Variants in AP4M1 observed in about 807,000 individuals in gnomAD.
AP4M1 encodes the protein AP-4 complex subunit mu-1.
A neutral mutation model predicts 62.4 loss-of-function variants in AP4M1; 58 were observed. The ratio of observed to expected loss-of-function variants is 0.93; its 90% CI spans 0.75 to 1.16. The LOEUF (loss-of-function observed/expected upper bound fraction) is 1.16. AP4M1 is among the 50% of genes most tolerant of loss of function. The probability of loss-of-function intolerance (pLI) is 0.00; values close to 1 mark genes in which losing one functional copy is unlikely to be tolerated. For synonymous variants in AP4M1, 290 were observed against 239.7 expected, an observed-to-expected ratio of 1.21 and a Z score of -1.94; for missense variants, 626 against 585.4, an observed-to-expected ratio of 1.07 and a Z score of -0.72.
At chr7:100,106,028 A>C in intron 12 of AP4M1, 25 bp downstream of exon 12, 2 of 1,613,808 alleles carry the variant, frequency 1.2e-6, no homozygotes, top group South Asian at 2.2e-5. Flanking sequence ...GGCCTGGCTG[A>C]GTTCAGCTCT....
At chr7:100,100,946 C>G, upstream of AP4M1, 1 of 1,057,756 alleles carries the variant, frequency 9.5e-7, no homozygotes. Flanking sequence ...GCCCAGAGCC[C>G]TTAAGACTCT....
At chr7:100,103,164 T>C in intron 4 of AP4M1, 1 of 649,842 alleles carries the variant, frequency 1.5e-6, no homozygotes, top group East Asian at 2.8e-5. Flanking sequence ...CTGGAACTCC[T>C]GGGCTCAAGC....
At chr7:100,100,900 G>T, upstream of AP4M1, 1 of 1,060,090 alleles carries the variant, frequency 9.4e-7, no homozygotes, top group Non-Finnish European at 1.1e-6. Flanking sequence ...GGGAACCTGG[G>T]AATGCCCAAA....
chr7:100,107,116 A>G lies in AP4M1; in HGVS notation c.*234A>G, dbSNP rs138231006. 213 of 1,367,264 alleles carry G rather than the reference A, an allele frequency of 1.6e-4. No homozygotes were observed. Among genetic ancestry groups the G allele is most frequent in the African/African-American group, 1.5e-3 (104 of 68,788 alleles). 84.7% of individuals were successfully genotyped at this position (1,367,264 alleles called of 1,614,324 possible). A position where few individuals can be genotyped will look rare whatever the true frequency, so the allele number is the denominator to read the frequency against. On this transcript the variant is annotated 3_prime_UTR_variant, in exon 15 of 15. Coordinates refer to ENST00000359593, the MANE Select transcript of AP4M1 (RefSeq NM_004722.4). ...TTTATTCTGAGAAACTGGCTGTACA[A>G]TATCTAAAAAGAAAGTGACATGAAG...
chr7:100,106,101 C>T lies in AP4M1; in HGVS notation c.974+98C>T, dbSNP rs971875802. 3 of 1,559,756 alleles carry T rather than the reference C, an allele frequency of 1.9e-6. No individual in the cohort carries two copies. The African/African-American group carries it at 4.1e-5, about 21-fold the overall frequency. ...TCCCTTCAGATGCAGCTGCCAGCCT[C>T]AGAAGCCAGTTAAGGTAGAGGCTGT... On this transcript the variant is annotated intron_variant, in intron 12 of 14. Coordinates refer to ENST00000359593, the MANE Select transcript of AP4M1 (RefSeq NM_004722.4).
In AP4M1 at chr7:100,101,687, GTCT is replaced by G. The variant is rs1796045572; in HGVS notation, c.-23_-21del. ...GGGCGGGGCAGGCCCGACTTTCGCC[GTCT>G]TCTTGTCTACTCTCCAGAACGGCCA... On this transcript the variant is annotated 5_prime_UTR_variant, in exon 1 of 15. Coordinates refer to ENST00000359593, the MANE Select transcript of AP4M1 (RefSeq NM_004722.4). 2.5e-6 allele frequency: 4 copies of G among 1,608,208 alleles called. No individual in the cohort carries two copies. Among genetic ancestry groups the G allele is most frequent in the Non-Finnish European group, 3.4e-6 (4 of 1,175,058 alleles).
chr7:100,107,026 C>G lies in AP4M1; in HGVS notation c.*144C>G. Reference sequence around the variant, plus strand: ...CCCAAGACCAGGAGGGGGCAATGGGCCCAGCCTTTCTGTGGTATCTGATGC... The same window carrying G: ...CCCAAGACCAGGAGGGGGCAATGGGGCCAGCCTTTCTGTGGTATCTGATGC... On this transcript the variant is annotated 3_prime_UTR_variant, in exon 15 of 15. Coordinates refer to ENST00000359593, the MANE Select transcript of AP4M1 (RefSeq NM_004722.4). The G allele has an allele frequency of 1.3e-5, 16 of 1,226,394 alleles. No individual in the cohort carries two copies. The highest frequency in any genetic ancestry group is 1.8e-5 in the Non-Finnish European group (16 of 866,828). The allele number at this position is 1,226,394 out of a possible 1,614,324, so 76.0% of individuals were successfully genotyped here. A position where few individuals can be genotyped will look rare whatever the true frequency, so the allele number is the denominator to read the frequency against.
At position 100,107,672 on chromosome 7, in the gene AP4M1, C is replaced by A. The variant is rs1796681037; in HGVS notation, c.*790C>A. ...CGCTTGCCCTGTGCCCTCCCTGCCC[C>A]CCAGAGGCCTGGCGAGGACGCTTCA... On this transcript the variant is annotated 3_prime_UTR_variant, in exon 15 of 15. Transcript: ENST00000359593. The A allele has an allele frequency of 6.3e-7, 1 of 1,592,420 alleles. No homozygotes were observed. Among genetic ancestry groups the A allele is most frequent in the African/African-American group, 1.4e-5 (1 of 73,768 alleles).
upstream of AP4M1, chr7:100,101,101 C>T (rs1795996369): frequency 4.7e-6 from 4 of 851,784 alleles, no homozygotes; most frequent in Non-Finnish European, 7.2e-6. Context: ...GCACGCTTCC[C>T]AGGCCCCGTG....
Position 100,105,509 on chromosome 7 carries a change from C to G in AP4M1, c.899C>G (p.Pro300Arg), listed in dbSNP as rs907295366. ...TCACCGCTCCCCTTCCGGCTCTTCC[C>G]CTCTGTGCAGTGGGACCGAGGCTCA... ...LPSPLPFRLF[P>R]SVQWDRGSGR... The change falls in exon 11 of 15, where the codon CCC (proline) becomes CGC (arginine). Residue 300 changes from proline to arginine, a missense_variant. Transcript: ENST00000359593. The G allele has an allele frequency of 6.2e-7, 1 of 1,613,922 alleles. No individual in the cohort carries two copies. Among genetic ancestry groups the G allele is most frequent in the African/African-American group, 1.3e-5 (1 of 75,038 alleles).
In AP4M1 at chr7:100,107,387, C is replaced by T. The variant is rs761709540; in HGVS notation, c.*505C>T. The T allele has an allele frequency of 2.6e-5, 42 of 1,595,622 alleles. No homozygotes were observed. The highest frequency in any genetic ancestry group is 6.9e-5 in the Admixed American group (4 of 57,904). On this transcript the variant is annotated 3_prime_UTR_variant, in exon 15 of 15. Coordinates refer to ENST00000359593, the MANE Select transcript of AP4M1 (RefSeq NM_004722.4). ...CGCTGAGTGGGGACGGGGACGATGC[C>T]GGGGGAGGAACTGGAGAAGGATGGG...
Position 100,108,274 on chromosome 7 carries a change from A to G in AP4M1, c.*1392A>G, listed in dbSNP as rs1248742351. 8 of 1,484,264 alleles carry G rather than the reference A, an allele frequency of 5.4e-6. No individual in the cohort carries two copies. The highest frequency in any genetic ancestry group is 5.4e-6 in the Non-Finnish European group (6 of 1,115,464). The allele number at this position is 1,484,264 out of a possible 1,614,324, so 91.9% of individuals were successfully genotyped here. A position where few individuals can be genotyped will look rare whatever the true frequency, so the allele number is the denominator to read the frequency against. On this transcript the variant is annotated 3_prime_UTR_variant, in exon 15 of 15. Transcript: ENST00000359593. ...GGGCCTGGTTGCCCTGAGACTACTG[A>G]CTGAGGGCACATGTGGCTGTGTGCA...
rs41280965 is a variant in AP4M1, at chr7:100,102,755, C to T, written c.228C>T (p.Pro76=). The change falls in exon 3 of 15, where the codon CCC becomes CCT. Residue 76 remains proline (P), a synonymous_variant. Coordinates refer to ENST00000359593, the MANE Select transcript of AP4M1 (RefSeq NM_004722.4). ...TCACAACTTCAGAAAACGTTTCTCCCTTCAGCCTCCTAGAACTGCTCTCCA... is the reference window on the plus strand; with the variant it reads ...TCACAACTTCAGAAAACGTTTCTCCTTTCAGCCTCCTAGAACTGCTCTCCA... ...LVVTTSENVS[P]FSLLELLSRL... 11,387 of 1,614,124 alleles carry T rather than the reference C, an allele frequency of 7.1e-3. 71 individuals carry two copies. Among genetic ancestry groups the T allele is most frequent in the Middle Eastern group, 0.013 (76 of 6,062 alleles).
chr7:100,102,635 C>T (rs1335124616), intron 2 of AP4M1, 40 bp from the exon 3 acceptor site: 6 of 1,586,176 alleles, frequency 3.8e-6, no homozygotes, highest in Non-Finnish European at 5.2e-6. Flanking sequence ...ACTCCACCTC[C>T]CTTTTTTTAA....
chr7:100,102,445 C>T, intron 2 of AP4M1: 1 of 591,468 alleles, frequency 1.7e-6, no homozygotes, highest in Non-Finnish European at 3.0e-6. Context: ...GCCAGCAACA[C>T]ACCAGGCCCA....
rs1796570279 is a variant in AP4M1 at position 100,106,995 on chromosome 7, C to T, written c.*113C>T. The T allele has an allele frequency of 2.2e-6, 3 of 1,344,460 alleles. No homozygotes were observed. Among genetic ancestry groups the T allele is most frequent in the East Asian group, 2.5e-5 (1 of 39,994 alleles). 83.3% of individuals were successfully genotyped at this position (1,344,460 alleles called of 1,614,324 possible). Reference sequence around the variant, plus strand: ...ACTCTGAATCTGGGCAGGAAGAGTCCTCAGTCCCAAGACCAGGAGGGGGCA... The same window carrying T: ...ACTCTGAATCTGGGCAGGAAGAGTCTTCAGTCCCAAGACCAGGAGGGGGCA... On this transcript the variant is annotated 3_prime_UTR_variant, in exon 15 of 15. Coordinates refer to ENST00000359593, the MANE Select transcript of AP4M1 (RefSeq NM_004722.4).
intron 6 of AP4M1, among the ~76,000 whole-genome samples, 156 bp downstream of exon 6, chr7:100,103,848 C>G (rs1796250511): frequency 7.1e-6 from 1 of 141,734 alleles, no homozygotes; most frequent in Non-Finnish European, 1.5e-5. Flanking sequence ...TTCAGAGCAG[C>G]CTGGCCAACA....
intron 7 of AP4M1, among the ~76,000 whole-genome samples, chr7:100,104,479 G>A (rs1217604887): frequency 6.6e-6 from 1 of 151,762 alleles, no homozygotes; most frequent in African/African-American, 2.4e-5. Context: ...AGCCAAGATC[G>A]AGTCACTGCA....
Position 100,107,324 on chromosome 7 carries a change from G to A in AP4M1, c.*442G>A. ...GAGTCCCTGGAGCTGGAGGGGGACTGTCCCCAGCCTCCTGCTTCCCCCCAC... is the reference window on the plus strand; with the variant it reads ...GAGTCCCTGGAGCTGGAGGGGGACTATCCCCAGCCTCCTGCTTCCCCCCAC... On this transcript the variant is annotated 3_prime_UTR_variant, in exon 15 of 15. Transcript: ENST00000359593. 1 of 1,541,440 alleles carries A rather than the reference G, an allele frequency of 6.5e-7. No individual in the cohort carries two copies. The highest frequency in any genetic ancestry group is 8.7e-7 in the Non-Finnish European group (1 of 1,143,558).
Sources: allele counts gnomAD v4.1 joint callset (sites outside exome capture counted in the v4.1 genomes callset), GRCh38; gene constraint gnomAD v4.1.1; transcripts MANE v1.5; gene names NCBI Gene and HGNC (gene_info 2026-07-23, HGNC 2026-07-21).